Variants in UBE3D observed in about 807,000 individuals in gnomAD.
UBE3D encodes ubiquitin protein ligase E3D.
In UBE3D, 48 loss-of-function variants were observed where a neutral mutation model predicts 49.6. The observed-to-expected ratio is 0.97, with a 90% confidence interval of 0.77 to 1.23. The LOEUF is 1.23. UBE3D is among the 50% of genes most tolerant of loss of function. The pLI is 0.00. For missense variants in UBE3D, 452 were observed against 468.4 expected, an observed-to-expected ratio of 0.96 and a Z score of 0.32; for synonymous variants, 189 against 174.2, an observed-to-expected ratio of 1.08 and a Z score of -0.67.
chr6:83,045,901 T>C (rs963348948), intron 3 of UBE3D, among the ~76,000 whole-genome samples: 2 of 152,178 alleles, frequency 1.3e-5, no homozygotes, highest in African/African-American at 2.4e-5. Flanking sequence ...TCTATAACAG[T>C]TTCTCAATAT....
At chr6:82,882,635 A>T in the UBE3D span, among the ~76,000 whole-genome samples, 3 of 152,232 alleles carry the variant, frequency 2.0e-5, no homozygotes. Context: ...ATTTTGAAGC[A>T]GAAGGGCCCA....
chr6:82,985,340 G>A (rs1322842790), intron 8 of UBE3D, among the ~76,000 whole-genome samples: 1 of 151,748 alleles, frequency 6.6e-6, no homozygotes, highest in East Asian at 1.9e-4. Context: ...TAGTACTTAT[G>A]TGGTTTTGTT....
chr6:82,921,728 T>A (rs1394144748), intron 9 of UBE3D, among the ~76,000 whole-genome samples: 1 of 152,062 alleles, frequency 6.6e-6, no homozygotes, highest in Non-Finnish European at 1.5e-5. Flanking sequence ...TCACTAACAG[T>A]CCTCTATGCA....
intron 8 of UBE3D, among the ~76,000 whole-genome samples, chr6:82,980,532 G>A (rs558206225): frequency 6.6e-6 from 1 of 152,002 alleles, no homozygotes; most frequent in South Asian, 2.1e-4. Context: ...CATGTTATCT[G>A]TTCACTAAGT....
chr6:82,886,001 C>T, the UBE3D span, among the ~76,000 whole-genome samples: 1 of 152,192 alleles, frequency 6.6e-6, no homozygotes, highest in African/African-American at 2.4e-5. Context: ...GGGGTCCACA[C>T]CAGCAGTTTG....
chr6:82,921,267 C>A (rs897219539), intron 9 of UBE3D, among the ~76,000 whole-genome samples: 11 of 152,138 alleles, frequency 7.2e-5, no homozygotes, highest in African/African-American at 2.7e-4. Context: ...TTTAAAAAAT[C>A]TTTTAAACAC....
At chr6:83,047,175 A>C (rs1388487702) in intron 3 of UBE3D, among the ~76,000 whole-genome samples, 4 of 152,212 alleles carry the variant, frequency 2.6e-5, no homozygotes, top group Non-Finnish European at 5.9e-5. Context: ...CTGCTTGAGA[A>C]TCTGATCTTT....
chr6:82,924,159 T>A (rs1773572432), intron 9 of UBE3D, among the ~76,000 whole-genome samples: 1 of 152,064 alleles, frequency 6.6e-6, no homozygotes, highest in South Asian at 2.1e-4. Flanking sequence ...AAACACATTT[T>A]TCTAACTTAT....
intron 5 of UBE3D, among the ~76,000 whole-genome samples, chr6:83,025,307 T>C (rs1004819885): frequency 3.3e-5 from 5 of 152,176 alleles, no homozygotes; most frequent in African/African-American, 9.7e-5. Flanking sequence ...GGTTATCTGA[T>C]TGCTTACAGA....
chr6:83,039,639 T>G (rs1398334035), intron 4 of UBE3D, among the ~76,000 whole-genome samples: 1 of 151,928 alleles, frequency 6.6e-6, no homozygotes, highest in East Asian at 1.9e-4. Flanking sequence ...TTTTTTTTTG[T>G]TTTGTTTTAT....
At chr6:82,987,277 G>A (rs1437207883) in intron 8 of UBE3D, among the ~76,000 whole-genome samples, 1 of 152,120 alleles carries the variant, frequency 6.6e-6, no homozygotes, top group Non-Finnish European at 1.5e-5. Context: ...GCTACTTGAA[G>A]TGCTGGGATT....
chr6:82,950,872 T>G (rs1228298279), intron 9 of UBE3D, among the ~76,000 whole-genome samples: 1 of 152,118 alleles, frequency 6.6e-6, no homozygotes, highest in Non-Finnish European at 1.5e-5. Flanking sequence ...AAACTTTGCA[T>G]GTTCTCACTT....
In UBE3D at chr6:82,966,877, C is replaced by T. The variant is rs1346075437; in HGVS notation, c.1011-9427G>A. On this transcript the variant is annotated intron_variant, in intron 8 of 9. Coordinates refer to ENST00000369747, the MANE Select transcript of UBE3D (RefSeq NM_198920.3). Reference sequence around the variant, plus strand: ...GAGCTAGGAGAACTAGTAAATATTCCCAACAGAAACTCAAACATATTATGG... The same window carrying T: ...GAGCTAGGAGAACTAGTAAATATTCTCAACAGAAACTCAAACATATTATGG... 2.0e-5 allele frequency among the ~76,000 whole-genome samples: 3 copies of T among 151,998 alleles called. No individual in the cohort carries two copies. The East Asian group carries it at 5.8e-4, about 29-fold the overall frequency.
chr6:83,020,891 A>G (rs1781046490), intron 7 of UBE3D, among the ~76,000 whole-genome samples: 2 of 152,208 alleles, frequency 1.3e-5, no homozygotes, highest in South Asian at 4.1e-4. Flanking sequence ...TCTTTCATAT[A>G]AGAAGTGCTC....
At chr6:82,883,036 A>G in the UBE3D span, among the ~76,000 whole-genome samples, 1 of 152,214 alleles carries the variant, frequency 6.6e-6, no homozygotes, top group African/African-American at 2.4e-5. Flanking sequence ...CAGTCAGGAC[A>G]TAGAGTGGAC....
chr6:82,881,060 T>C, the UBE3D span, among the ~76,000 whole-genome samples: 1 of 152,126 alleles, frequency 6.6e-6, no homozygotes, highest in South Asian at 2.1e-4. Context: ...TACCATCTCA[T>C]TGAGGGTTCA....
chr6:82,993,142 C>CAG (rs976193597), intron 8 of UBE3D, among the ~76,000 whole-genome samples: 13 of 147,220 alleles, frequency 8.8e-5, no homozygotes, highest in Admixed American at 1.4e-4. Flanking sequence ...GAGAGAGAGA[C>CAG]AGAGAGAGAG....
chr6:83,041,392 T>G (rs1389340105), intron 4 of UBE3D, among the ~76,000 whole-genome samples: 1 of 152,208 alleles, frequency 6.6e-6, no homozygotes. Flanking sequence ...TGGCTCCTGA[T>G]TCAAACAAAC....
Position 82,900,767 on chromosome 6 carries a change from C to T in UBE3D, c.1150-7725G>A, listed in dbSNP as rs368673606. ...TGCATGAGGGAATAATTCTGTCCAG[C>T]AGGAAGAATGGCAAAAGGTGACCTA... On this transcript the variant is annotated intron_variant, in intron 9 of 9. Coordinates refer to ENST00000369747, the MANE Select transcript of UBE3D (RefSeq NM_198920.3). Among the ~76,000 whole-genome samples the T allele has an allele frequency of 1.7e-3, 262 of 152,238 alleles. 11 individuals carry two copies. The South Asian group carries it at 0.051, about 30-fold the overall frequency.
Sources: gnomAD v4.1 joint callset for allele counts (sites outside exome capture counted in the v4.1 genomes callset) on GRCh38, gnomAD v4.1.1 for gene constraint, MANE v1.5 for transcripts, NCBI Gene and HGNC (gene_info 2026-07-23, HGNC 2026-07-21) for gene names.